LAMP2: variants seen among roughly 807,000 people sequenced by gnomAD.
LAMP2 encodes the protein lysosome-associated membrane glycoprotein 2.
LAMP2 carries 4 observed loss-of-function variants against 25.6 expected under a neutral mutation model. The ratio of observed to expected loss-of-function variants is 0.16; its 90% CI spans 0.08 to 0.36. The LOEUF (loss-of-function observed/expected upper bound fraction) is 0.36, where lower values mean the gene tolerates loss of function less well. Ranked by LOEUF, LAMP2 falls within the 10% of genes least tolerant of loss-of-function variation. The pLI is 1.00. For synonymous variants in LAMP2, 108 were observed against 112.7 expected, an observed-to-expected ratio of 0.96 and a Z score of 0.27; for missense variants, 272 against 301.4, an observed-to-expected ratio of 0.90 and a Z score of 0.72.
chrX:120,437,904 G>A, intron 8 of LAMP2: 1 of 527,291 alleles, frequency 1.9e-6, no homozygotes, highest in African/African-American at 2.5e-5. Flanking sequence ...CGCCCAGGCT[G>A]GAGTGCAATG....
chrX:120,452,383 C>T (rs909022411), intron 3 of LAMP2, among the ~76,000 whole-genome samples: 3 of 111,110 alleles, frequency 2.7e-5, no homozygotes, highest in Non-Finnish European at 5.7e-5. Flanking sequence ...CAAAATCCTC[C>T]GCTTACTCAA....
Position 120,428,540 on chromosome X carries a change from A to G in LAMP2, c.*2783T>C. ...CTTCTTCCAATCATATAAGAGATAA[A>G]GACAACAATTATAAGGAAGCCCAAG... On this transcript the variant is annotated 3_prime_UTR_variant, in exon 9 of 9. Coordinates refer to ENST00000200639, the MANE Select transcript of LAMP2 (RefSeq NM_002294.3). 2.5e-6 allele frequency: 3 copies of G among 1,203,352 alleles called. No homozygotes were observed. The highest frequency in any genetic ancestry group is 3.4e-6 in the Non-Finnish European group (3 of 891,858).
intron 1 of LAMP2, among the ~76,000 whole-genome samples, chrX:120,467,283 A>G (rs970907806): frequency 8.9e-6 from 1 of 112,140 alleles, no homozygotes. Flanking sequence ...CAATGTTGGC[A>G]CCATTGACAT....
chrX:120,438,697 C>A (rs867282991), intron 8 of LAMP2: 1 of 553,366 alleles, frequency 1.8e-6, no homozygotes, highest in Non-Finnish European at 2.1e-6. Flanking sequence ...AAAAATCACA[C>A]ACACACACAC....
intron 7 of LAMP2, 111 bp downstream of exon 7, chrX:120,442,488 T>C (rs1838155778): frequency 1.6e-6 from 1 of 645,042 alleles, no homozygotes; most frequent in South Asian, 2.2e-5. Flanking sequence ...ACTTTTTACA[T>C]AGCATCTTCT....
At chrX:120,441,133 C>T (rs1313602745) in intron 8 of LAMP2, among the ~76,000 whole-genome samples, 1 of 111,508 alleles carries the variant, frequency 9.0e-6, no homozygotes, top group Admixed American at 9.6e-5. Context: ...TCTTGTAATG[C>T]CAAATATGTC....
chrX:120,439,413 A>G (rs1156565714), intron 8 of LAMP2: 3 of 621,993 alleles, frequency 4.8e-6, no homozygotes, highest in Non-Finnish European at 8.0e-6. Context: ...CAAGTAACTA[A>G]GACAGGTATA....
At chrX:120,437,577 G>A (rs978717297) in intron 8 of LAMP2, 12 of 750,491 alleles carry the variant, frequency 1.6e-5, no homozygotes, top group Non-Finnish European at 1.6e-6. Flanking sequence ...GATGTATTTT[G>A]CTTTCTCCTA....
chrX:120,459,439 G>A (rs1157422751), intron 1 of LAMP2, among the ~76,000 whole-genome samples: 5 of 112,509 alleles, frequency 4.4e-5, no homozygotes, highest in African/African-American at 1.6e-4. Context: ...TGCAAATGGA[G>A]CCAGGAATGG....
At chrX:120,462,177 A>T (rs1168269935) in intron 1 of LAMP2, among the ~76,000 whole-genome samples, 2 of 111,278 alleles carry the variant, frequency 1.8e-5, no homozygotes, top group East Asian at 5.6e-4. Context: ...TCTCAAAGTC[A>T]AATATCCTCT....
rs200297370 is a variant in LAMP2, at chrX:120,469,173, C to G, written c.-4G>C. 228 of 1,210,408 alleles carry G rather than the reference C, an allele frequency of 1.9e-4. No individual in the cohort carries two copies. Among genetic ancestry groups the G allele is most frequent in the Non-Finnish European group, 1.6e-4 (144 of 895,013 alleles). On this transcript the variant is annotated 5_prime_UTR_variant, in exon 1 of 9. Transcript: ENST00000200639. ...GGAAGAGGCGGAAGCACACCATGAC[C>G]CCGCAGAGCAGGCGGCGACGGCGGC...
At chrX:120,454,831 G>A in intron 3 of LAMP2, among the ~76,000 whole-genome samples, 1 of 104,265 alleles carries the variant, frequency 9.6e-6, no homozygotes, top group Admixed American at 1.1e-4. Flanking sequence ...CTACTTCCCA[G>A]GGTTGCTGTT....
intron 8 of LAMP2, chrX:120,436,524 T>G: frequency 1.4e-6 from 1 of 731,079 alleles, no homozygotes; most frequent in Non-Finnish European, 1.6e-6. Flanking sequence ...ATCTTTATTG[T>G]TTTAGAAGCA....
At chrX:120,459,825 ATAT>A (rs1444658103) in intron 1 of LAMP2, among the ~76,000 whole-genome samples, 3 of 112,138 alleles carry the variant, frequency 2.7e-5, no homozygotes, top group African/African-American at 9.7e-5. Flanking sequence ...GAAAATCTGC[ATAT>A]TATTTTTGAC....
Position 120,455,415 on chromosome X carries a change from G to C in LAMP2, c.339C>G (p.Ser113Arg), listed in dbSNP as rs147369153. 1.7e-6 allele frequency: 2 copies of C among 1,210,083 alleles called. No homozygotes were observed. Among genetic ancestry groups the C allele is most frequent in the Non-Finnish European group, 2.2e-6 (2 of 894,394 alleles). The stretch of plus-strand genomic sequence containing the variant: ...CACCAGTGTTGTAGGAAAATGAGAC[G>C]CTGTCAATTGAATAAGTAGATGCTG... ...TKAASTYSID[S>R]VSFSYNTGDN... The change falls in exon 3 of 9, where the codon AGC becomes AGG. Residue 113 changes from serine to arginine, a missense_variant. Coordinates refer to ENST00000200639, the MANE Select transcript of LAMP2 (RefSeq NM_002294.3).
At chrX:120,468,300 C>T (rs749067422) in intron 1 of LAMP2, among the ~76,000 whole-genome samples, 3 of 110,959 alleles carry the variant, frequency 2.7e-5, no homozygotes, top group Non-Finnish European at 3.8e-5. Flanking sequence ...CAGCGTCTGG[C>T]TGGGAGGAAG....
intron 3 of LAMP2, among the ~76,000 whole-genome samples, chrX:120,454,064 A>G (rs2058633585): frequency 9.0e-6 from 1 of 110,881 alleles, no homozygotes; most frequent in African/African-American, 3.3e-5. Flanking sequence ...AAAGTAATCA[A>G]TTCATAGGTT....
intron 1 of LAMP2, among the ~76,000 whole-genome samples, chrX:120,463,806 G>T (rs1276538692): frequency 9.1e-6 from 1 of 109,293 alleles, no homozygotes; most frequent in African/African-American, 3.4e-5. Flanking sequence ...AACTAATCTG[G>T]TATTTGGGAC....
intron 2 of LAMP2, among the ~76,000 whole-genome samples, chrX:120,455,944 C>A (rs868193428): frequency 6.5e-5 from 6 of 92,398 alleles, no homozygotes; most frequent in African/African-American, 1.6e-4. Flanking sequence ...CAGTTTGTGC[C>A]AAAAAAAAAA....
Sources: gnomAD v4.1 joint callset for allele counts (sites outside exome capture counted in the v4.1 genomes callset) on GRCh38, gnomAD v4.1.1 for gene constraint, MANE v1.5 for transcripts, NCBI Gene and HGNC (gene_info 2026-07-23, HGNC 2026-07-21) for gene names.